Variants in NDFIP2 observed in about 807,000 individuals in gnomAD.
The protein encoded by NDFIP2 is Nedd4 family interacting protein 2.
In NDFIP2, 19 loss-of-function variants were observed where a neutral mutation model predicts 36.0. That is an observed-to-expected ratio of 0.53 (90% CI 0.37 to 0.77). NDFIP2 has a LOEUF of 0.77. NDFIP2 is among the 30% of genes least tolerant of loss of function. NDFIP2 has a pLI of 0.00. For missense variants in NDFIP2, 446 were observed against 435.8 expected (o/e 1.02, Z -0.21); for synonymous variants, 181 against 167.7 (o/e 1.08, Z -0.61).
chr13:79,534,939 T>G (rs1345852349), intron 3 of NDFIP2, among the ~76,000 whole-genome samples: 1 of 152,182 alleles, frequency 6.6e-6, no homozygotes, highest in African/African-American at 2.4e-5. Flanking sequence ...TTGGACACAG[T>G]TATGAAGGTA....
At chr13:79,543,502 A>T in intron 4 of NDFIP2, 56 bp from the exon 5 acceptor site, 1 of 1,597,084 alleles carries the variant, frequency 6.3e-7, no homozygotes, top group Admixed American at 1.7e-5. Context: ...TAATATGTCT[A>T]TGTTAATTTG....
intron 1 of NDFIP2, among the ~76,000 whole-genome samples, chr13:79,500,888 A>G (rs577097453): frequency 1.3e-5 from 2 of 152,224 alleles, no homozygotes; most frequent in South Asian, 4.1e-4. Flanking sequence ...TAGTAGCTTT[A>G]TTCATATTTG....
rs10558361 is a variant in NDFIP2, at chr13:79,482,169, C to CTTTTTTTTT, written c.321+663_321+671dup. On this transcript the variant is annotated intron_variant, in intron 1 of 7. Coordinates refer to ENST00000218652, the MANE Select transcript of NDFIP2 (RefSeq NM_019080.3). Reference sequence around the variant, plus strand: ...CCACTTTTTCTTTCTTTCTTTCTTTCTTTTTTTTTTTTTTTTTTTTTTTTT... The same window carrying CTTTTTTTTT: ...CCACTTTTTCTTTCTTTCTTTCTTTCTTTTTTTTTTTTTTTTTTTTTTTTTTTTTTTTTT... Among the ~76,000 whole-genome samples, 57 of 75,886 alleles carry CTTTTTTTTT rather than the reference C, an allele frequency of 7.5e-4. 1 individual carries two copies. The highest frequency in any genetic ancestry group is 2.1e-3 in the East Asian group (4 of 1,922). The allele number at this position is 75,886 out of a possible 152,430, so 49.8% of individuals were successfully genotyped here.
intron 1 of NDFIP2, among the ~76,000 whole-genome samples, chr13:79,502,870 T>G (rs1873719139): frequency 6.6e-6 from 1 of 150,642 alleles, no homozygotes; most frequent in Non-Finnish European, 1.5e-5. Context: ...GAAAAAGTAT[T>G]TATTTTTAGC....
intron 1 of NDFIP2, among the ~76,000 whole-genome samples, chr13:79,493,223 T>C (rs1281332629): frequency 6.6e-6 from 1 of 152,204 alleles, no homozygotes; most frequent in Non-Finnish European, 1.5e-5. Context: ...TTCTGAATGA[T>C]TCCAAGTGTG....
intron 1 of NDFIP2, chr13:79,519,255 T>C (rs1017373106): frequency 1.3e-5 from 2 of 152,198 alleles, no homozygotes; most frequent in Non-Finnish European, 2.9e-5. Flanking sequence ...TAAATTAAAA[T>C]ATGAAAATTA....
chr13:79,521,632 A>G (rs1874585721), intron 2 of NDFIP2, among the ~76,000 whole-genome samples: 2 of 152,264 alleles, frequency 1.3e-5, no homozygotes, highest in Non-Finnish European at 1.5e-5. Flanking sequence ...TGTATTTAAC[A>G]TCATCTACTG....
At chr13:79,520,677 A>G in intron 1 of NDFIP2, 133 bp from the exon 2 acceptor site, 1 of 730,340 alleles carries the variant, frequency 1.4e-6, no homozygotes, top group Non-Finnish European at 2.0e-6. Flanking sequence ...GTGATTTTGT[A>G]TACTATCTAA....
chr13:79,514,786 T>C (rs1027045516), intron 1 of NDFIP2, among the ~76,000 whole-genome samples: 1 of 152,258 alleles, frequency 6.6e-6, no homozygotes, highest in African/African-American at 2.4e-5. Flanking sequence ...TTTTGTTTTC[T>C]GTTCTTTCAT....
In NDFIP2 at chr13:79,509,636, C is replaced by T. The variant is rs376179383; in HGVS notation, c.322-11174C>T. 5.3e-5 allele frequency among the ~76,000 whole-genome samples: 8 copies of T among 151,548 alleles called. No individual in the cohort carries two copies. The East Asian group carries it at 7.8e-4, about 15-fold the overall frequency. ...TGGCCAAGGGGAGGAGTTGTATTGG[C>T]GTTCTCTAGAGGAACAGAACTAATA... On this transcript the variant is annotated intron_variant, in intron 1 of 7. Transcript: ENST00000218652.
intron 2 of NDFIP2, 69 bp downstream of exon 2, chr13:79,521,044 T>C: frequency 7.4e-7 from 1 of 1,345,108 alleles, no homozygotes; most frequent in East Asian, 2.3e-5. Flanking sequence ...TGTGTAATTA[T>C]CATGTCTGTT....
At chr13:79,537,627 A>C (rs990323047) in intron 3 of NDFIP2, among the ~76,000 whole-genome samples, 1 of 152,222 alleles carries the variant, frequency 6.6e-6, no homozygotes, top group African/African-American at 2.4e-5. Flanking sequence ...TTTGTGCCCG[A>C]ATAATAAGCA....
intron 1 of NDFIP2, among the ~76,000 whole-genome samples, chr13:79,484,702 A>T (rs2079832621): frequency 6.6e-6 from 1 of 152,126 alleles, no homozygotes; most frequent in Non-Finnish European, 1.5e-5. Flanking sequence ...GTATCTGGGG[A>T]ATTAGAGTTG....
intron 2 of NDFIP2, 52 bp from the exon 3 acceptor site, chr13:79,533,271 C>T: frequency 5.1e-6 from 8 of 1,556,352 alleles, no homozygotes; most frequent in Non-Finnish European, 6.1e-6. Flanking sequence ...ATGGCTATGG[C>T]TACAAAATTA....
chr13:79,545,011 T>A (rs1248656804), intron 5 of NDFIP2, among the ~76,000 whole-genome samples: 1 of 152,114 alleles, frequency 6.6e-6, no homozygotes. Flanking sequence ...CAAGTATAAA[T>A]CTATTAGCTG....
At position 79,533,407 on chromosome 13, in the gene NDFIP2, A is replaced by C; in HGVS notation, c.572A>C (p.Lys191Thr). Reference protein sequence around the residue: ...TSLPTYDEAEKAKAAAMAAAA... With the variant: ...TSLPTYDEAETAKAAAMAAAA... ...CTTCCTACATACGATGAAGCTGAGAAGGCTAAAGCTGCTGCAATGGCAGCT... is the reference window on the plus strand; with the variant it reads ...CTTCCTACATACGATGAAGCTGAGACGGCTAAAGCTGCTGCAATGGCAGCT... Residue 191 changes from lysine (K) to threonine (T), a missense_variant, in exon 3 of 8, where the codon AAG becomes ACG. Transcript: ENST00000218652. The C allele has an allele frequency of 6.2e-7, 1 of 1,611,976 alleles. No individual in the cohort carries two copies. Among genetic ancestry groups the C allele is most frequent in the Non-Finnish European group, 8.5e-7 (1 of 1,178,776 alleles).
At chr13:79,524,459 T>G (rs1191605743) in intron 2 of NDFIP2, among the ~76,000 whole-genome samples, 1 of 152,242 alleles carries the variant, frequency 6.6e-6, no homozygotes, top group Non-Finnish European at 1.5e-5. Context: ...CATCGATTGC[T>G]GATCAAATGT....
intron 2 of NDFIP2, among the ~76,000 whole-genome samples, chr13:79,532,803 G>A (rs1875067721): frequency 6.6e-6 from 1 of 152,198 alleles, no homozygotes; most frequent in African/African-American, 2.4e-5. Context: ...GGAGCTTCCT[G>A]TGTCTGCCAC....
chr13:79,522,827 A>C (rs1874638230), intron 2 of NDFIP2, among the ~76,000 whole-genome samples: 1 of 152,200 alleles, frequency 6.6e-6, no homozygotes, highest in Non-Finnish European at 1.5e-5. Flanking sequence ...TACTGTCTCA[A>C]ATGTCACATG....
Sources: gnomAD v4.1 joint callset for allele counts (sites outside exome capture counted in the v4.1 genomes callset) on GRCh38, gnomAD v4.1.1 for gene constraint, MANE v1.5 for transcripts, NCBI Gene and HGNC (gene_info 2026-07-23, HGNC 2026-07-21) for gene names.